COL25A1: variants seen among roughly 807,000 people sequenced by gnomAD.
The protein encoded by COL25A1 is collagen type XXV alpha 1 chain.
In COL25A1, 103 loss-of-function variants were observed where a neutral mutation model predicts 128.4. That is an observed-to-expected ratio of 0.80 (90% CI 0.68 to 0.94). The LOEUF is 0.94. Among genes scored for constraint, COL25A1 ranks in the 40% least tolerant of loss-of-function variants. The pLI, the probability that COL25A1 is intolerant of heterozygous loss-of-function variation, is 0.00. For missense variants in COL25A1, 745 were observed against 840.0 expected, an observed-to-expected ratio of 0.89 and a Z score of 1.40; for synonymous variants, 279 against 277.2, an observed-to-expected ratio of 1.01 and a Z score of -0.06.
At chr4:109,250,369 TACAC>T (rs61574026) in intron 3 of COL25A1, among the ~76,000 whole-genome samples, 6 of 134,956 alleles carry the variant, frequency 4.4e-5, no homozygotes, top group South Asian at 2.4e-4. Flanking sequence ...AAGTAGGAGA[TACAC>T]ACACACACAC....
At chr4:108,965,048 T>C (rs141042774) in intron 8 of COL25A1, among the ~76,000 whole-genome samples, 338 of 152,328 alleles carry the variant, frequency 2.2e-3, no homozygotes, top group Non-Finnish European at 3.2e-3. Context: ...CCTAAATGTT[T>C]TAGCAGAGCC....
intron 11 of COL25A1, among the ~76,000 whole-genome samples, chr4:108,934,331 T>C (rs1236641747): frequency 9.7e-5 from 13 of 133,640 alleles, no homozygotes; most frequent in Non-Finnish European, 1.9e-4. Context: ...CCGGGGCCTG[T>C]TGGGGGGATG....
At chr4:108,846,297 C>CA (rs5860952) in intron 27 of COL25A1, 78 bp from the exon 28 acceptor site, 817,142 of 917,068 alleles carry the variant, frequency 0.89, 364,731 homozygotes, top group South Asian at 0.96. Flanking sequence ...AACAGAATTC[C>CA]GATCAATTTC....
chr4:109,087,321 T>C (rs192417693), intron 3 of COL25A1, among the ~76,000 whole-genome samples: 572 of 152,100 alleles, frequency 3.8e-3, no homozygotes, highest in Admixed American at 7.7e-3. Context: ...GCATGAAACT[T>C]TTTGACTGAA....
intron 3 of COL25A1, among the ~76,000 whole-genome samples, chr4:109,103,103 T>C (rs1169829551): frequency 6.6e-6 from 1 of 152,158 alleles, no homozygotes; most frequent in African/African-American, 2.4e-5. Flanking sequence ...AGCAACACAC[T>C]GATGTTCTGA....
chr4:109,300,621 A>T lies in COL25A1; in HGVS notation c.329T>A (p.Ile110Asn). ...ACATTCTGAAGGTGCTTCTCTTGCG[A>T]TTCTTATTTTAGCCATATGTTCATA... ...KSYEHMAKIR[I>N]AREAPSECNC... The change falls in exon 3 of 38, where the codon ATC becomes AAC. Residue 110 changes from isoleucine to asparagine, a missense_variant. Transcript: ENST00000399132. 1 of 1,612,348 alleles carries T rather than the reference A, an allele frequency of 6.2e-7. No individual in the cohort carries two copies. The highest frequency in any genetic ancestry group is 8.5e-7 in the Non-Finnish European group (1 of 1,178,404).
rs188860267 is a variant in COL25A1 at position 109,182,107 on chromosome 4, C to T, written c.367+118476G>A. On this transcript the variant is annotated intron_variant, in intron 3 of 37. Coordinates refer to ENST00000399132, the MANE Select transcript of COL25A1 (RefSeq NM_198721.4). Reference sequence around the variant, plus strand: ...CCCTATCCAGTTATCCATTGACAGACACTTAAGTTGATTCCATATTTTGGC... The same window carrying T: ...CCCTATCCAGTTATCCATTGACAGATACTTAAGTTGATTCCATATTTTGGC... Among the ~76,000 whole-genome samples, 289 of 152,222 alleles carry T rather than the reference C, an allele frequency of 1.9e-3. 2 individuals are homozygous for T. Among genetic ancestry groups the T allele is most frequent in the Middle Eastern group, 0.01 (3 of 294 alleles).
chr4:109,083,532 G>A (rs370160911), intron 3 of COL25A1, among the ~76,000 whole-genome samples: 6 of 125,718 alleles, frequency 4.8e-5, no homozygotes, highest in Non-Finnish European at 7.8e-5. Context: ...GCGCGATCTC[G>A]ACTCACTGCA....
At chr4:109,074,559 T>C (rs1416587779) in intron 3 of COL25A1, among the ~76,000 whole-genome samples, 2 of 152,092 alleles carry the variant, frequency 1.3e-5, no homozygotes, top group East Asian at 3.9e-4. Flanking sequence ...ATCCAAAGAG[T>C]TCTCCCAAGC....
At chr4:108,889,584 G>T in intron 17 of COL25A1, 117 bp downstream of exon 17, 1 of 862,752 alleles carries the variant, frequency 1.2e-6, no homozygotes, top group Non-Finnish European at 1.9e-6. Context: ...AGTTATTGTA[G>T]GAGAATAAGA....
intron 6 of COL25A1, among the ~76,000 whole-genome samples, chr4:109,008,740 C>G (rs1334644981): frequency 9.6e-6 from 1 of 103,688 alleles, no homozygotes; most frequent in Non-Finnish European, 1.7e-5. Flanking sequence ...TATGTTTATA[C>G]ACATACATGC....
rs189103175 is a variant in COL25A1, at chr4:109,252,477, G to A, written c.367+48106C>T. On this transcript the variant is annotated intron_variant, in intron 3 of 37. Coordinates refer to ENST00000399132, the MANE Select transcript of COL25A1 (RefSeq NM_198721.4). ...TGGGGCAAGTGGCTCACTGGTATCC[G>A]CAAAAAATGTCACCCTACCTACTTG... Among the ~76,000 whole-genome samples, 18 of 152,242 alleles carry A rather than the reference G, an allele frequency of 1.2e-4. No individual in the cohort carries two copies. In the East Asian group the frequency reaches 1.5e-3, roughly 13 times the overall value.
chr4:108,868,311 T>C (rs1358039028), intron 20 of COL25A1, among the ~76,000 whole-genome samples: 1 of 152,092 alleles, frequency 6.6e-6, no homozygotes, highest in Non-Finnish European at 1.5e-5. Context: ...TTTCCACTAC[T>C]CAATATTGAA....
chr4:108,848,944 A>T, intron 26 of COL25A1, 141 bp from the exon 27 acceptor site: 1 of 630,822 alleles, frequency 1.6e-6, no homozygotes, highest in Non-Finnish European at 2.8e-6. Flanking sequence ...CTATTATAGC[A>T]CATATCTAAA....
At chr4:108,823,424 AAC>A (rs887143311) in intron 35 of COL25A1, among the ~76,000 whole-genome samples, 14 of 152,190 alleles carry the variant, frequency 9.2e-5, no homozygotes, top group African/African-American at 3.1e-4. Context: ...AGAGAAAAGA[AAC>A]AGAGGAGAGT....
intron 3 of COL25A1, among the ~76,000 whole-genome samples, chr4:109,108,055 G>A (rs888829753): frequency 2.0e-5 from 3 of 152,028 alleles, no homozygotes; most frequent in Admixed American, 6.6e-5. Context: ...TATACTTTAA[G>A]TTTTAGGGTA....
chr4:108,864,861 C>A (rs1737696948), intron 20 of COL25A1, among the ~76,000 whole-genome samples: 1 of 152,180 alleles, frequency 6.6e-6, no homozygotes, highest in South Asian at 2.1e-4. Context: ...CCATATTCTA[C>A]AGATGAGGAA....
chr4:108,854,833 A>G (rs537447988), intron 24 of COL25A1, among the ~76,000 whole-genome samples: 2 of 152,282 alleles, frequency 1.3e-5, no homozygotes, highest in Admixed American at 1.3e-4. Context: ...AACTAGCAAT[A>G]CCATTTGACC....
intron 3 of COL25A1, among the ~76,000 whole-genome samples, chr4:109,091,515 G>C (rs3113699): frequency 0.23 from 35,015 of 151,426 alleles, 5,163 homozygotes; most frequent in African/African-American, 0.4. Flanking sequence ...AATCGTCTCT[G>C]TGTGTGTGTG....
Sources: gnomAD v4.1 joint callset for allele counts (sites outside exome capture counted in the v4.1 genomes callset) on GRCh38, gnomAD v4.1.1 for gene constraint, MANE v1.5 for transcripts, NCBI Gene and HGNC (gene_info 2026-07-23, HGNC 2026-07-21) for gene names.